Variants in NEGR1 observed in about 807,000 individuals in gnomAD.
NEGR1 encodes the protein IgLON family member 4.
NEGR1 carries 10 observed loss-of-function variants against 40.9 expected under a neutral mutation model. That is an observed-to-expected ratio of 0.24 (90% CI 0.15 to 0.42). The LOEUF is 0.42. NEGR1 is among the 10% of genes least tolerant of loss of function. The probability of loss-of-function intolerance (pLI) is 1.00; values close to 1 mark genes in which losing one functional copy is unlikely to be tolerated. For missense variants in NEGR1, 352 were observed against 438.9 expected, an observed-to-expected ratio of 0.80 and a Z score of 1.77; for synonymous variants, 185 against 166.8, an observed-to-expected ratio of 1.11 and a Z score of -0.84.
intron 1 of NEGR1, among the ~76,000 whole-genome samples, chr1:72,079,086 A>AATATATATATATATATATATATATAT (rs67575298): frequency 3.9e-4 from 56 of 142,366 alleles, no homozygotes; most frequent in East Asian, 3.2e-3. Context: ...CATTTAACAG[A>AATATATATATATATATATATATATAT]ATATATATAT....
At chr1:71,998,801 C>T (rs1250551813) in intron 1 of NEGR1, among the ~76,000 whole-genome samples, 1 of 151,164 alleles carries the variant, frequency 6.6e-6, no homozygotes, top group African/African-American at 2.4e-5. Flanking sequence ...ATAATATTTA[C>T]ATACAATGTT....
At chr1:71,641,885 C>G (rs1332435593) in intron 4 of NEGR1, among the ~76,000 whole-genome samples, 1 of 152,006 alleles carries the variant, frequency 6.6e-6, no homozygotes, top group African/African-American at 2.4e-5. Context: ...CTTGCTGGAA[C>G]AAGAAGCACC....
intron 1 of NEGR1, among the ~76,000 whole-genome samples, chr1:72,171,324 A>G (rs1651956321): frequency 2.6e-5 from 4 of 152,234 alleles, no homozygotes; most frequent in African/African-American, 9.6e-5. Flanking sequence ...TTGTGTGCAT[A>G]CATGGAACAT....
chr1:71,672,097 C>T (rs912859649), intron 4 of NEGR1, among the ~76,000 whole-genome samples: 17 of 152,042 alleles, frequency 1.1e-4, no homozygotes, highest in South Asian at 6.2e-4. Flanking sequence ...ATTAGTGATA[C>T]GGAGCATGCC....
At chr1:72,116,993 G>T (rs1649606314) in intron 1 of NEGR1, among the ~76,000 whole-genome samples, 1 of 151,676 alleles carries the variant, frequency 6.6e-6, no homozygotes. Flanking sequence ...GCTTATTATT[G>T]CTGATCTAAA....
At chr1:71,470,931 C>T (rs1244030374) in intron 6 of NEGR1, among the ~76,000 whole-genome samples, 1 of 152,122 alleles carries the variant, frequency 6.6e-6, no homozygotes, top group Non-Finnish European at 1.5e-5. Context: ...CTTCTCTCCT[C>T]ATTTTGTTTA....
chr1:71,877,437 A>G (rs917698958), intron 2 of NEGR1, among the ~76,000 whole-genome samples: 2 of 152,140 alleles, frequency 1.3e-5, no homozygotes, highest in African/African-American at 4.8e-5. Context: ...CTTGGCTTGT[A>G]GATAGCCACC....
At chr1:71,489,874 T>G (rs1646914595) in intron 6 of NEGR1, 2 of 151,900 alleles carry the variant, frequency 1.3e-5, no homozygotes, top group Non-Finnish European at 1.5e-5. Context: ...TCTCAATTCA[T>G]CACAGAAGAG....
intron 3 of NEGR1, among the ~76,000 whole-genome samples, chr1:71,715,068 G>A (rs1178232013): frequency 1.3e-5 from 2 of 152,236 alleles, no homozygotes; most frequent in South Asian, 2.1e-4. Context: ...AATCTAGGCA[G>A]AGGTTCCCAA....
At chr1:72,061,661 G>A (rs889725925) in intron 1 of NEGR1, among the ~76,000 whole-genome samples, 22 of 151,688 alleles carry the variant, frequency 1.5e-4, no homozygotes, top group Non-Finnish European at 2.4e-4. Flanking sequence ...AAGGAAGGGG[G>A]AATAGCTTTT....
At chr1:72,028,253 A>AT (rs1646828790) in intron 1 of NEGR1, among the ~76,000 whole-genome samples, 1 of 152,160 alleles carries the variant, frequency 6.6e-6, no homozygotes, top group Non-Finnish European at 1.5e-5. Context: ...CATAGTGGCC[A>AT]TTACAACAGC....
At chr1:71,888,362 A>G (rs943411737) in intron 2 of NEGR1, among the ~76,000 whole-genome samples, 7 of 152,008 alleles carry the variant, frequency 4.6e-5, no homozygotes, top group African/African-American at 1.4e-4. Flanking sequence ...GTGTGCGCCC[A>G]CCGTGCGCGA....
intron 4 of NEGR1, among the ~76,000 whole-genome samples, chr1:71,671,526 A>G (rs1652431190): frequency 6.6e-6 from 1 of 152,230 alleles, no homozygotes; most frequent in Non-Finnish European, 1.5e-5. Context: ...TTGTAAAGGG[A>G]AAAAACTATT....
At chr1:71,713,642 T>A (rs1654179957) in intron 3 of NEGR1, among the ~76,000 whole-genome samples, 1 of 152,318 alleles carries the variant, frequency 6.6e-6, no homozygotes, top group African/African-American at 2.4e-5. Context: ...TGGACCTTAC[T>A]TTATTTACAA....
At chr1:71,704,660 C>T (rs1344904724) in intron 3 of NEGR1, among the ~76,000 whole-genome samples, 1 of 151,766 alleles carries the variant, frequency 6.6e-6, no homozygotes, top group Non-Finnish European at 1.5e-5. Context: ...TAAAAGATCA[C>T]TCACAGAGAA....
intron 3 of NEGR1, among the ~76,000 whole-genome samples, chr1:71,743,573 T>C (rs1655283772): frequency 2.0e-5 from 3 of 152,192 alleles, no homozygotes; most frequent in Admixed American, 2.0e-4. Context: ...TCATCTATAC[T>C]GAAAATGGAA....
chr1:72,169,558 T>C (rs942019766), intron 1 of NEGR1, among the ~76,000 whole-genome samples: 2 of 152,216 alleles, frequency 1.3e-5, no homozygotes, highest in African/African-American at 4.8e-5. Flanking sequence ...TTTATGGTTT[T>C]GAATATTATT....
intron 6 of NEGR1, among the ~76,000 whole-genome samples, chr1:71,568,986 G>T (rs1334662369): frequency 6.6e-6 from 1 of 150,800 alleles, no homozygotes; most frequent in Non-Finnish European, 1.5e-5. Flanking sequence ...GGATGATCTT[G>T]GTTCACTGCA....
intron 5 of NEGR1, among the ~76,000 whole-genome samples, chr1:71,593,480 A>G (rs1649574144): frequency 6.6e-6 from 1 of 152,170 alleles, no homozygotes; most frequent in Admixed American, 6.5e-5. Flanking sequence ...TTACTCTTGT[A>G]CAACCCAGAC....
Sources: allele counts gnomAD v4.1 joint callset (sites outside exome capture counted in the v4.1 genomes callset), GRCh38; gene constraint gnomAD v4.1.1; transcripts MANE v1.5; gene names NCBI Gene and HGNC (gene_info 2026-07-23, HGNC 2026-07-21).